The following NCAM2 variants were observed in gnomAD, a reference collection of about 807,000 sequenced individuals.
NCAM2 encodes the protein N-CAM-2.
A neutral mutation model predicts 98.1 loss-of-function variants in NCAM2; 30 were observed. That is an observed-to-expected ratio of 0.31 (90% CI 0.23 to 0.41). The LOEUF (loss-of-function observed/expected upper bound fraction) is 0.41. NCAM2 is among the 10% of genes least tolerant of loss of function. The probability of loss-of-function intolerance (pLI) is 1.00; values close to 1 mark genes in which losing one functional copy is unlikely to be tolerated. For synonymous variants in NCAM2, 368 were observed against 342.4 expected, an observed-to-expected ratio of 1.07 and a Z score of -0.83; for missense variants, 867 against 1,005.8, an observed-to-expected ratio of 0.86 and a Z score of 1.87.
At chr21:21,118,833 T>C (rs1016010574) in intron 1 of NCAM2, among the ~76,000 whole-genome samples, 2 of 152,116 alleles carry the variant, frequency 1.3e-5, no homozygotes, top group African/African-American at 4.8e-5. Context: ...TAGTTTCTAA[T>C]ATAAGAAGAT....
intron 1 of NCAM2, among the ~76,000 whole-genome samples, chr21:21,014,555 C>A (rs750289153): frequency 2.0e-5 from 3 of 152,138 alleles, no homozygotes; most frequent in Non-Finnish European, 2.9e-5. Context: ...TAGGGACCTA[C>A]TTCTCAGAAA....
intron 15 of NCAM2, among the ~76,000 whole-genome samples, chr21:21,494,996 C>T (rs927114438): frequency 2.0e-5 from 3 of 151,512 alleles, no homozygotes; most frequent in Non-Finnish European, 4.4e-5. Context: ...TTGACAAGTT[C>T]TCATCAACAT....
At chr21:21,265,068 GTATATA>G (rs778368224) in intron 1 of NCAM2, among the ~76,000 whole-genome samples, 16 of 49,340 alleles carry the variant, frequency 3.2e-4, no homozygotes, top group Non-Finnish European at 7.3e-4. Flanking sequence ...ATGTGTATGT[GTATATA>G]TATACACACA....
chr21:21,149,484 G>A (rs865913779), intron 1 of NCAM2, among the ~76,000 whole-genome samples: 5 of 152,078 alleles, frequency 3.3e-5, no homozygotes, highest in Middle Eastern at 3.2e-3. Context: ...GTGCCTTGGT[G>A]GTTTGCTGCA....
At chr21:21,507,308 A>G (rs1350246708) in intron 15 of NCAM2, among the ~76,000 whole-genome samples, 2 of 152,150 alleles carry the variant, frequency 1.3e-5, no homozygotes, top group Non-Finnish European at 2.9e-5. Context: ...CTAAGTTTAA[A>G]AATATCACAT....
intron 5 of NCAM2, among the ~76,000 whole-genome samples, chr21:21,295,624 C>T (rs577234850): frequency 5.9e-4 from 89 of 151,880 alleles, no homozygotes; most frequent in Middle Eastern, 3.4e-3. Flanking sequence ...TTTCCTTCCG[C>T]CATGAAAAGA....
chr21:21,467,369 G>GAT (rs1983819064), intron 13 of NCAM2, among the ~76,000 whole-genome samples: 1 of 132,766 alleles, frequency 7.5e-6, no homozygotes, highest in Non-Finnish European at 1.6e-5. Flanking sequence ...AACACTGCCT[G>GAT]ATATATATAT....
intron 1 of NCAM2, among the ~76,000 whole-genome samples, chr21:21,190,440 T>C (rs577531334): frequency 3.0e-4 from 45 of 152,152 alleles, no homozygotes; most frequent in Non-Finnish European, 5.7e-4. Context: ...AGAAGAAATT[T>C]CATCACTAAG....
At chr21:21,353,130 T>C (rs1463849963) in intron 8 of NCAM2, among the ~76,000 whole-genome samples, 2 of 152,188 alleles carry the variant, frequency 1.3e-5, no homozygotes, top group East Asian at 3.9e-4. Context: ...TTCCATATTA[T>C]ACATACTGTT....
At position 21,540,078 on chromosome 21, in the gene NCAM2, A is replaced by G. The variant is rs777891753; in HGVS notation, c.*2121A>G. On this transcript the variant is annotated 3_prime_UTR_variant, in exon 18 of 18. Transcript: ENST00000400546. Reference sequence around the variant, plus strand: ...ATGGTTTTAAACTAATGATGGTGAAAGAAATACGATGACTGAGAAAGTCAT... The same window carrying G: ...ATGGTTTTAAACTAATGATGGTGAAGGAAATACGATGACTGAGAAAGTCAT... 1.3e-5 allele frequency: 2 copies of G among 152,140 alleles called. No individual in the cohort carries two copies. Among genetic ancestry groups the G allele is most frequent in the Non-Finnish European group, 1.5e-5 (1 of 68,014 alleles). The allele number at this position is 152,140 out of a possible 1,614,324, so 9.4% of individuals were successfully genotyped here.
At chr21:21,346,833 A>G (rs2075203394) in intron 8 of NCAM2, among the ~76,000 whole-genome samples, 1 of 151,996 alleles carries the variant, frequency 6.6e-6, no homozygotes, top group Admixed American at 6.6e-5. Flanking sequence ...ACAAATGATA[A>G]TGGAAGCACA....
At chr21:21,232,238 A>T (rs954856485) in intron 1 of NCAM2, among the ~76,000 whole-genome samples, 2 of 151,566 alleles carry the variant, frequency 1.3e-5, no homozygotes, top group Admixed American at 1.3e-4. Context: ...CATTTTTCTT[A>T]TACTCAAATT....
At chr21:21,170,638 C>A (rs1470943894) in intron 1 of NCAM2, among the ~76,000 whole-genome samples, 2 of 152,038 alleles carry the variant, frequency 1.3e-5, no homozygotes, top group African/African-American at 2.4e-5. Context: ...ACTTCAGAGG[C>A]TATTTAGGGC....
intron 1 of NCAM2, among the ~76,000 whole-genome samples, chr21:21,110,711 A>G (rs768693512): frequency 6.6e-6 from 1 of 151,804 alleles, no homozygotes; most frequent in Non-Finnish European, 1.5e-5. Flanking sequence ...TGGAGATTGC[A>G]TCTTTCTCTA....
intron 1 of NCAM2, among the ~76,000 whole-genome samples, chr21:21,197,106 C>T (rs980413505): frequency 7.2e-5 from 11 of 151,986 alleles, no homozygotes; most frequent in African/African-American, 2.7e-4. Flanking sequence ...AGCTAAACCT[C>T]GTTTTTTTGT....
At chr21:21,396,558 A>G (rs1253603734) in intron 9 of NCAM2, among the ~76,000 whole-genome samples, 1 of 152,118 alleles carries the variant, frequency 6.6e-6, no homozygotes, top group African/African-American at 2.4e-5. Flanking sequence ...CCTAGATCCC[A>G]TACCCGCCAA....
At chr21:21,033,608 G>A (rs2064735819) in intron 1 of NCAM2, among the ~76,000 whole-genome samples, 1 of 152,022 alleles carries the variant, frequency 6.6e-6, no homozygotes, top group Non-Finnish European at 1.5e-5. Flanking sequence ...CTGGGCTTAG[G>A]GATGGCATCA....
At chr21:21,493,124 G>A (rs1358052984) in intron 15 of NCAM2, among the ~76,000 whole-genome samples, 2 of 151,898 alleles carry the variant, frequency 1.3e-5, no homozygotes, top group East Asian at 3.9e-4. Context: ...GTGAAAGAAA[G>A]TTTAAGTGAA....
At chr21:21,222,990 C>T (rs1305721213) in intron 1 of NCAM2, among the ~76,000 whole-genome samples, 1 of 152,154 alleles carries the variant, frequency 6.6e-6, no homozygotes, top group Non-Finnish European at 1.5e-5. Flanking sequence ...AGTCTGCAGC[C>T]ATGACGTTGA....
Sources: gnomAD v4.1 joint callset for allele counts (sites outside exome capture counted in the v4.1 genomes callset) on GRCh38, gnomAD v4.1.1 for gene constraint, MANE v1.5 for transcripts, NCBI Gene and HGNC (gene_info 2026-07-23, HGNC 2026-07-21) for gene names.